Variants in GOLGA8S observed in about 807,000 individuals in gnomAD.
GOLGA8S encodes the protein golgin subfamily A member 8S.
In GOLGA8S, 23 loss-of-function variants were observed where a neutral mutation model predicts 58.9. The ratio of observed to expected loss-of-function variants is 0.39; its 90% confidence interval spans 0.28 to 0.55. The LOEUF (loss-of-function observed/expected upper bound fraction) is 0.55, where lower values mean the gene tolerates loss of function less well. GOLGA8S is among the 20% of genes least tolerant of loss of function. The pLI, the probability that GOLGA8S is intolerant of heterozygous loss-of-function variation, is 0.63. For missense variants in GOLGA8S, 266 were observed against 514.2 expected (o/e 0.52, Z 4.67); for synonymous variants, 84 against 195.7 (o/e 0.43, Z 4.76).
At chr15:23,361,482 G>A (rs1567268657) in intron 12 of GOLGA8S, 26 bp downstream of exon 12, 1 of 770,432 alleles carries the variant, frequency 1.3e-6, no homozygotes, top group South Asian at 1.4e-5. Flanking sequence ...TGGGGAGCCT[G>A]CCCTCCTCCC....
intron 8 of GOLGA8S, among the ~76,000 whole-genome samples, chr15:23,359,427 C>T (rs1320946506): frequency 6.8e-6 from 1 of 146,850 alleles, no homozygotes; most frequent in Admixed American, 6.8e-5. Flanking sequence ...GGACGTAGAG[C>T]TTGGAGGCCA....
At chr15:23,359,878 C>T (rs2069755872) in intron 8 of GOLGA8S, among the ~76,000 whole-genome samples, 1 of 147,382 alleles carries the variant, frequency 6.8e-6, no homozygotes, top group Non-Finnish European at 1.5e-5. Flanking sequence ...TTCATCTACA[C>T]AATAGAGGTC....
exon 9 of GOLGA8S, chr15:23,360,308 A>C: frequency 8.7e-7 from 1 of 1,150,454 alleles, no homozygotes; most frequent in South Asian, 1.3e-5. Flanking sequence ...CTGAAAGCGC[A>C]GCTGACACAG....
At chr15:23,364,481 G>A (rs1484386656) in intron 16 of GOLGA8S, 38 bp downstream of exon 16, 12 of 1,605,476 alleles carry the variant, frequency 7.5e-6, no homozygotes, top group Non-Finnish European at 9.3e-6. Context: ...GGGAGCTACA[G>A]GGCCGTCGGA....
Position 23,364,336 on chromosome 15 carries a change from G to C in GOLGA8S, c.1348-7G>C. 2 of 1,601,450 alleles carry C rather than the reference G, an allele frequency of 1.2e-6. No homozygotes were observed. The highest frequency in any genetic ancestry group is 1.7e-6 in the Non-Finnish European group (2 of 1,179,232). ...GCCGAGATGTGACTACAATATTTTG[G>C]CTCCAGAGCAGCTTTATGGACCACC... On this transcript the variant is annotated splice_region_variant and splice_polypyrimidine_tract_variant and intron_variant, in intron 15 of 18. Coordinates refer to ENST00000562295, the Ensembl canonical transcript of GOLGA8S.
rs371358674 is a variant in GOLGA8S at position 23,362,865 on chromosome 15, G to A, written c.1180-300G>A. Among the ~76,000 whole-genome samples, 5 of 137,256 alleles carry A rather than the reference G, an allele frequency of 3.6e-5. No homozygotes were observed. In the East Asian group the frequency reaches 6.1e-4, roughly 17 times the overall value. 90.0% of individuals were successfully genotyped at this position (137,256 alleles called of 152,430 possible). ...GAGCTGAAGAGCCAAGAGGCTCAGA[G>A]TCTGCAGCAGCAGCCAGACCATTAC... On this transcript the variant is annotated intron_variant, in intron 13 of 18. Coordinates refer to ENST00000562295, the Ensembl canonical transcript of GOLGA8S.
Position 23,360,820 on chromosome 15 carries a change from G to T in GOLGA8S, c.874+5G>T. ...CCAAACTCAAAAACCAGATGGGTAA[G>T]ATGGGGCTGGCGTGACCTGGCAGCA... On this transcript the variant is annotated splice_donor_5th_base_variant and intron_variant, in intron 11 of 18. Transcript: ENST00000562295. 1 of 1,439,370 alleles carries T rather than the reference G, an allele frequency of 6.9e-7. No homozygotes were observed. Among genetic ancestry groups the T allele is most frequent in the South Asian group, 1.2e-5 (1 of 86,478 alleles). 89.2% of individuals were successfully genotyped at this position (1,439,370 alleles called of 1,614,324 possible).
Position 23,363,729 on chromosome 15 carries a change from T to C in GOLGA8S, c.1307T>C (p.Ile436Thr), listed in dbSNP as rs766014904. ...GAGGGGGAGGAGGCACCTCGGCCCA[T>C]TCCTAGCATCCCACAGGACCTGGAG... The change falls in exon 15 of 19, where the codon ATT (isoleucine) becomes ACT (threonine). Residue 436 changes from isoleucine (I) to threonine (T), a missense_variant. Ile to Thr is a moderately conservative substitution (Grantham distance 89). This residue lies in a region of GOLGA8S where 88 missense variants were observed against 77.7 expected (regional missense o/e 1.13). Coordinates refer to ENST00000562295, the Ensembl canonical transcript of GOLGA8S. 6 of 584,720 alleles carry C rather than the reference T, an allele frequency of 1.0e-5. 2 individuals carry two copies. Among genetic ancestry groups the C allele is most frequent in the Non-Finnish European group, 1.6e-5 (6 of 367,852 alleles). 36.2% of individuals were successfully genotyped at this position (584,720 alleles called of 1,614,324 possible).
At chr15:23,357,434 C>G in intron 3 of GOLGA8S, 79 bp downstream of exon 3, 1 of 1,495,934 alleles carries the variant, frequency 6.7e-7, no homozygotes, top group Non-Finnish European at 9.1e-7. Context: ...ACGGGGTGCC[C>G]CTCTGCCAGC....
At chr15:23,363,523 G>A (rs374934427) in intron 14 of GOLGA8S, 155 bp from the exon 15 acceptor site, 12,623 of 353,686 alleles carry the variant, frequency 0.036, 1,139 homozygotes, top group Non-Finnish European at 0.047. Flanking sequence ...CAAGATCTTG[G>A]TTCTTCAAAG....
downstream of GOLGA8S, chr15:23,365,472 G>A: frequency 9.6e-6 from 4 of 418,006 alleles, no homozygotes; most frequent in South Asian, 1.0e-4. Flanking sequence ...CGCTGGTTTG[G>A]AATAGGCTGC....
chr15:23,365,090 G>A (rs1344963726), exon 19 of GOLGA8S: 2 of 1,583,634 alleles, frequency 1.3e-6, no homozygotes, highest in African/African-American at 1.4e-5. Flanking sequence ...CAACTGCTGT[G>A]TGCCATTCTT....
At chr15:23,361,169 C>CTTTT (rs149891156) in intron 11 of GOLGA8S, 52 bp from the exon 12 acceptor site, 1 of 719,478 alleles carries the variant, frequency 1.4e-6, no homozygotes, top group Non-Finnish European at 2.1e-6. Flanking sequence ...CTTTTCTTTT[C>CTTTT]TTTTTTTTTT....
chr15:23,361,319 C>G, exon 12 of GOLGA8S: 1 of 1,262,274 alleles, frequency 7.9e-7, no homozygotes, highest in Non-Finnish European at 1.1e-6. Flanking sequence ...GCTCCAGGCC[C>G]AGGTGGAGTA....
At position 23,365,064 on chromosome 15, in the gene GOLGA8S, A is replaced by C. The variant is rs746750183; in HGVS notation, c.1808A>C (p.His603Pro). The C allele has an allele frequency of 1.9e-6, 3 of 1,580,534 alleles. No individual in the cohort carries two copies. The African/African-American group carries it at 4.2e-5, about 22-fold the overall frequency. Reference sequence around the variant, plus strand: ...CCGATCGTGCAGGACCACCAGGAGCACCCAGGCTTGGGCAACAACTGCTGT... The same window carrying C: ...CCGATCGTGCAGGACCACCAGGAGCCCCCAGGCTTGGGCAACAACTGCTGT... The change falls in exon 19 of 19, where the codon CAC becomes CCC. Residue 603 changes from histidine to proline, a missense_variant. By Grantham distance (77) the His-to-Pro change is moderately conservative. Transcript: ENST00000562295.
At chr15:23,360,010 T>C (rs2069758854) in intron 8 of GOLGA8S, among the ~76,000 whole-genome samples, 2 of 149,422 alleles carry the variant, frequency 1.3e-5, no homozygotes, top group South Asian at 4.4e-4. Context: ...ACAACAGCAA[T>C]ATTATCTGAT....
At chr15:23,368,013 A>C (rs1184513348), downstream of GOLGA8S, among the ~76,000 whole-genome samples, 1 of 152,012 alleles carries the variant, frequency 6.6e-6, no homozygotes, top group Non-Finnish European at 1.5e-5. Context: ...TCTTAGAGTC[A>C]TTTTAAAATA....
intron 10 of GOLGA8S, 70 bp from the exon 11 acceptor site, chr15:23,360,658 G>C (rs1214372101): frequency 1.6e-6 from 2 of 1,236,202 alleles, no homozygotes; most frequent in Non-Finnish European, 2.4e-6. Context: ...TGGGGGCAGA[G>C]AGGGAGAGGG....
downstream of GOLGA8S, chr15:23,365,256 G>A (rs4036664): frequency 8.9e-7 from 1 of 1,118,618 alleles, no homozygotes; most frequent in Non-Finnish European, 1.3e-6. Flanking sequence ...GATTATTTGT[G>A]TTTCTAATTT....
Sources: allele counts gnomAD v4.1 joint callset (sites outside exome capture counted in the v4.1 genomes callset), GRCh38; gene constraint gnomAD v4.1.1; regional missense constraint gnomAD v4.1.1; transcripts MANE v1.5; gene names NCBI Gene and HGNC (gene_info 2026-07-23, HGNC 2026-07-21).